The following ROBO1 variants were observed in gnomAD, a reference collection of about 807,000 sequenced individuals.
ROBO1 encodes the protein roundabout homolog 1.
A neutral mutation model predicts 195.9 loss-of-function variants in ROBO1; 149 were observed. That is an observed-to-expected ratio of 0.76 (90% CI 0.67 to 0.87). ROBO1 has a LOEUF of 0.87. Among genes scored for constraint, ROBO1 ranks in the 40% least tolerant of loss-of-function variants. ROBO1 has a pLI of 0.00. For synonymous variants in ROBO1, 816 were observed against 733.2 expected, an observed-to-expected ratio of 1.11 and a Z score of -1.82; for missense variants, 1,933 against 2,068.3, an observed-to-expected ratio of 0.93 and a Z score of 1.27.
At chr3:78,673,473 AAT>A (rs1012808608) in intron 10 of ROBO1, among the ~76,000 whole-genome samples, 27 of 143,028 alleles carry the variant, frequency 1.9e-4, no homozygotes, top group African/African-American at 6.8e-4. Flanking sequence ...CTGTTATAAA[AAT>A]ATATATATAA....
intron 2 of ROBO1, among the ~76,000 whole-genome samples, chr3:79,143,167 A>G (rs1408633285): frequency 1.3e-5 from 2 of 152,134 alleles, no homozygotes; most frequent in Admixed American, 6.5e-5. Context: ...AGACTAAACT[A>G]TTTGTTAATG....
chr3:79,424,983 T>C (rs1204171660), intron 2 of ROBO1, among the ~76,000 whole-genome samples: 1 of 152,062 alleles, frequency 6.6e-6, no homozygotes, highest in African/African-American at 2.4e-5. Flanking sequence ...CTGAGAACAG[T>C]AGAATTTGAG....
chr3:79,117,040 T>C (rs1439704992), intron 3 of ROBO1, among the ~76,000 whole-genome samples: 1 of 152,138 alleles, frequency 6.6e-6, no homozygotes, highest in Non-Finnish European at 1.5e-5. Flanking sequence ...ATAGTAGGAT[T>C]ATATGTCCCT....
chr3:79,486,527 C>T (rs955916890), intron 2 of ROBO1, among the ~76,000 whole-genome samples: 2 of 152,084 alleles, frequency 1.3e-5, no homozygotes, highest in African/African-American at 4.8e-5. Context: ...CAAGAAAATG[C>T]CTACTTTTCT....
At chr3:79,592,367 A>C (rs1161963378) in intron 1 of ROBO1, among the ~76,000 whole-genome samples, 1 of 152,000 alleles carries the variant, frequency 6.6e-6, no homozygotes, top group Non-Finnish European at 1.5e-5. Context: ...TCCTCAAATA[A>C]ATTTTCATGA....
intron 2 of ROBO1, among the ~76,000 whole-genome samples, chr3:79,370,033 G>A (rs958677555): frequency 6.6e-6 from 1 of 152,074 alleles, no homozygotes; most frequent in Non-Finnish European, 1.5e-5. Flanking sequence ...TTCTTTTGAA[G>A]AAAAGGAAAA....
chr3:79,189,502 T>A (rs1281954854), intron 2 of ROBO1, among the ~76,000 whole-genome samples: 1 of 151,766 alleles, frequency 6.6e-6, no homozygotes. Flanking sequence ...TGTGTGTACA[T>A]CTGTGTATTT....
intron 24 of ROBO1, among the ~76,000 whole-genome samples, chr3:78,632,336 G>C (rs1238723483): frequency 6.6e-6 from 1 of 152,134 alleles, no homozygotes; most frequent in Non-Finnish European, 1.5e-5. Context: ...AGATGTTCTT[G>C]TACTGGTAGG....
intron 2 of ROBO1, among the ~76,000 whole-genome samples, chr3:79,261,908 T>C (rs889764262): frequency 6.6e-6 from 1 of 152,062 alleles, no homozygotes; most frequent in Non-Finnish European, 1.5e-5. Flanking sequence ...AATTGATCTA[T>C]AGAAATTAGT....
intron 2 of ROBO1, among the ~76,000 whole-genome samples, chr3:79,460,008 T>C (rs540675306): frequency 2.5e-4 from 38 of 152,272 alleles, no homozygotes; most frequent in Admixed American, 1.0e-3. Context: ...ATGTAAGTTA[T>C]GTGATGTATT....
In ROBO1 at chr3:79,484,755, C is replaced by CTTTTTT. The variant is rs1158213253; in HGVS notation, c.88+105063_88+105068dup. Among the ~76,000 whole-genome samples the CTTTTTT allele has an allele frequency of 4.0e-4, 27 of 66,882 alleles. 9 individuals are homozygous for CTTTTTT. The highest frequency in any genetic ancestry group is 8.5e-4 in the African/African-American group (15 of 17,736). The allele number at this position is 66,882 out of a possible 152,430, so 43.9% of individuals were successfully genotyped here. A position where few individuals can be genotyped will look rare whatever the true frequency, so the allele number is the denominator to read the frequency against. On this transcript the variant is annotated intron_variant, in intron 2 of 30. Coordinates refer to ENST00000464233, the MANE Select transcript of ROBO1 (RefSeq NM_002941.4). ...TTATACACCACTATCATTGCACTAT[C>CTTTTTT]TTTTTTTTTTTTTTTTTGAGACAGA...
In ROBO1 at chr3:79,198,122, TC is replaced by T. The variant is rs1576803171; in HGVS notation, c.89-72584del. ...CATGAAGTCTTTGCCCATGCCTATG[TC>T]CTGAATGGTATTGCCTAGGTTTTCT... On this transcript the variant is annotated intron_variant, in intron 2 of 30. Coordinates refer to ENST00000464233, the MANE Select transcript of ROBO1 (RefSeq NM_002941.4). Among the ~76,000 whole-genome samples, 12 of 152,238 alleles carry T rather than the reference TC, an allele frequency of 7.9e-5. No homozygotes were observed. The South Asian group carries it at 2.5e-3, about 32-fold the overall frequency.
chr3:78,824,926 C>T (rs1042877450), intron 4 of ROBO1, among the ~76,000 whole-genome samples: 4 of 152,034 alleles, frequency 2.6e-5, no homozygotes, highest in African/African-American at 9.7e-5. Context: ...ACTTTCTTTC[C>T]ATCTTGAAAA....
intron 3 of ROBO1, 107 bp from the exon 4 acceptor site, chr3:78,939,034 G>A: frequency 1.0e-6 from 1 of 959,392 alleles, no homozygotes; most frequent in Non-Finnish European, 1.5e-6. Context: ...GCATAACATT[G>A]GCCTAGCCTT....
At chr3:78,712,625 A>G (rs924293684) in intron 8 of ROBO1, among the ~76,000 whole-genome samples, 7 of 152,180 alleles carry the variant, frequency 4.6e-5, no homozygotes, top group African/African-American at 1.7e-4. Context: ...CTATATAAAG[A>G]TCTTTTAAAC....
At chr3:79,263,360 A>G in intron 2 of ROBO1, among the ~76,000 whole-genome samples, 1 of 152,050 alleles carries the variant, frequency 6.6e-6, no homozygotes, top group African/African-American at 2.4e-5. Flanking sequence ...AGCTTTCTCA[A>G]GATCAGGGCT....
At chr3:78,951,764 AAAGATATACACGT>A (rs1474466259) in intron 3 of ROBO1, among the ~76,000 whole-genome samples, 1 of 152,154 alleles carries the variant, frequency 6.6e-6, no homozygotes, top group Admixed American at 6.6e-5. Context: ...ACAGCTGGAA[AAAGATATACACGT>A]AAGTGCTAAG....
intron 2 of ROBO1, among the ~76,000 whole-genome samples, chr3:79,441,652 G>C (rs554185750): frequency 3.4e-4 from 52 of 152,106 alleles, no homozygotes; most frequent in African/African-American, 1.2e-3. Context: ...CTCAGAAAAA[G>C]CAATTGGTCA....
At chr3:79,179,169 A>G (rs538887916) in intron 2 of ROBO1, among the ~76,000 whole-genome samples, 1 of 152,338 alleles carries the variant, frequency 6.6e-6, no homozygotes, top group South Asian at 2.1e-4. Flanking sequence ...TCCTCTTAGA[A>G]GCAGGAATAG....
Sources: allele counts gnomAD v4.1 joint callset (sites outside exome capture counted in the v4.1 genomes callset), GRCh38; gene constraint gnomAD v4.1.1; transcripts MANE v1.5; gene names NCBI Gene and HGNC (gene_info 2026-07-23, HGNC 2026-07-21).